Variants in ADAM8 observed in about 807,000 individuals in gnomAD.
ADAM8 encodes ADAM metallopeptidase domain 8.
Under a neutral mutation model 102.4 loss-of-function variants are expected in ADAM8, and 104 were observed. That is an observed-to-expected ratio of 1.02 (90% CI 0.87 to 1.20). The LOEUF is 1.20. ADAM8 is among the 50% of genes most tolerant of loss of function. The pLI is 0.00. For missense variants in ADAM8, 1,132 were observed against 1,159.0 expected (o/e 0.98, Z 0.34); for synonymous variants, 517 against 485.2 (o/e 1.07, Z -0.86).
At chr10:133,270,115 T>A in intron 16 of ADAM8, 141 bp from the exon 17 acceptor site, 1 of 1,166,176 alleles carries the variant, frequency 8.6e-7, no homozygotes, top group Non-Finnish European at 1.2e-6. Context: ...GCCGGCTGCC[T>A]ACCCCCAAAG....
In ADAM8 at chr10:133,262,808, C is replaced by A; in HGVS notation, c.*348G>T. ...GGCTCAGCAGGCCCCAGAGCAGGGGCAGGTGTGGCTGGGAGGGGCTGTATA... is the reference window on the plus strand; with the variant it reads ...GGCTCAGCAGGCCCCAGAGCAGGGGAAGGTGTGGCTGGGAGGGGCTGTATA... On this transcript the variant is annotated 3_prime_UTR_variant, in exon 23 of 23. Transcript: ENST00000445355. 1 of 286,212 alleles carries A rather than the reference C, an allele frequency of 3.5e-6. No individual in the cohort carries two copies. The highest frequency in any genetic ancestry group is 6.7e-6 in the Non-Finnish European group (1 of 148,690). 17.7% of individuals were successfully genotyped at this position (286,212 alleles called of 1,614,324 possible).
intron 10 of ADAM8, 60 bp downstream of exon 10, chr10:133,272,133 G>A (rs756413833): frequency 1.0e-5 from 16 of 1,524,122 alleles, no homozygotes; most frequent in Middle Eastern, 1.7e-4. Flanking sequence ...GGACCGAGGC[G>A]TCCCCTCCCC....
rs1237240226 is a variant in ADAM8 at position 133,272,193 on chromosome 10, C to T, written c.957G>A (p.Gln319=). The T allele has an allele frequency of 6.5e-7, 1 of 1,550,042 alleles. No individual in the cohort carries two copies. The highest frequency in any genetic ancestry group is 8.7e-7 in the Non-Finnish European group (1 of 1,146,818). Residue 319 remains glutamine, a splice_region_variant and synonymous_variant, in exon 10 of 23, where the codon CAG becomes CAA. Coordinates refer to ENST00000445355, the MANE Select transcript of ADAM8 (RefSeq NM_001109.5). ...CAAACCCGGGCAGGAGCCCCCTCAC[C>T]TGGTTCACAGCCCCTGAGCTGTGGG... ...MCSHSSGAVN[Q]DHSKNPVGVA...
rs1196485181 is a variant in ADAM8, at chr10:133,262,982, G to A, written c.*174C>T. On this transcript the variant is annotated 3_prime_UTR_variant, in exon 23 of 23. Coordinates refer to ENST00000445355, the MANE Select transcript of ADAM8 (RefSeq NM_001109.5). ...AAGGCGGGGAGAAGGAATTGGCTGA[G>A]GGCGTGGACAGCAGGAGCCTCTCAG... The A allele has an allele frequency of 3.8e-6, 3 of 788,408 alleles. No homozygotes were observed. The highest frequency in any genetic ancestry group is 1.6e-5 in the South Asian group (1 of 63,416). The allele number at this position is 788,408 out of a possible 1,614,324, so 48.8% of individuals were successfully genotyped here. A position where few individuals can be genotyped will look rare whatever the true frequency, so the allele number is the denominator to read the frequency against.
In ADAM8 at chr10:133,276,755, T is replaced by C; in HGVS notation, c.46+17A>G. 1 of 1,533,344 alleles carries C rather than the reference T, an allele frequency of 6.5e-7. No individual in the cohort carries two copies. 95.0% of individuals were successfully genotyped at this position (1,533,344 alleles called of 1,614,324 possible). A position where few individuals can be genotyped will look rare whatever the true frequency, so the allele number is the denominator to read the frequency against. On this transcript the variant is annotated intron_variant, in intron 1 of 22. Coordinates refer to ENST00000445355, the MANE Select transcript of ADAM8 (RefSeq NM_001109.5). ...TGCCCCGCGCTGCGCCCGGGACGGT[T>C]CCCTGGAACCACTCACCAGGCAGCA...
intron 12 of ADAM8, 86 bp downstream of exon 12, chr10:133,271,442 T>C: frequency 2.0e-6 from 3 of 1,479,940 alleles, no homozygotes; most frequent in South Asian, 1.3e-5. Flanking sequence ...GTTCCACGTG[T>C]GGATGTGCAG....
Position 133,273,795 on chromosome 10 carries a change from G to A in ADAM8, c.350C>T (p.Ser117Leu). The change falls in exon 5 of 23, where the codon TCA becomes TTA. Residue 117 changes from serine (S) to leucine (L), a missense_variant. Physicochemically the swap from Ser to Leu is moderately radical, Grantham distance 145. Coordinates refer to ENST00000445355, the MANE Select transcript of ADAM8 (RefSeq NM_001109.5). Reference protein sequence around the residue: ...YQGHVEGYPDSAASLSTCAGL... With the variant: ...YQGHVEGYPDLAASLSTCAGL... The stretch of plus-strand genomic sequence containing the variant: ...GGCACAGGTGCTGAGGCTGGCGGCT[G>A]AGTCCGGGTACCCCTCTACGTGGCC... 2.6e-6 allele frequency: 4 copies of A among 1,549,080 alleles called. No individual in the cohort carries two copies. In the South Asian group the frequency reaches 4.8e-5, roughly 18 times the overall value.
At chr10:133,276,489 T>C (rs1011750504) in intron 1 of ADAM8, among the ~76,000 whole-genome samples, 3 of 152,160 alleles carry the variant, frequency 2.0e-5, no homozygotes, top group African/African-American at 4.8e-5. Context: ...AGGTGAAGCG[T>C]CCTGCTTGGC....
chr10:133,269,285 G>A (rs1846437211), intron 18 of ADAM8, 160 bp downstream of exon 18: 1 of 841,406 alleles, frequency 1.2e-6, no homozygotes. Flanking sequence ...TCAGCCTGGG[G>A]ACAGACAGGC....
intron 18 of ADAM8, chr10:133,269,122 T>C: frequency 1.0e-6 from 1 of 985,376 alleles, no homozygotes; most frequent in East Asian, 1.1e-4. Context: ...ACATGCTCAG[T>C]GGCCGCCGGG....
Position 133,270,719 on chromosome 10 carries a change from G to A in ADAM8, c.1634+17C>T. Reference sequence around the variant, plus strand: ...GGGAACAGCACATGTCCTGGGCCCAGGGCGGTCTCAGCTCACCTGTACCGG... The same window carrying A: ...GGGAACAGCACATGTCCTGGGCCCAAGGCGGTCTCAGCTCACCTGTACCGG... On this transcript the variant is annotated intron_variant, in intron 15 of 22. Transcript: ENST00000445355. 1 of 1,489,464 alleles carries A rather than the reference G, an allele frequency of 6.7e-7. No individual in the cohort carries two copies. Among genetic ancestry groups the A allele is most frequent in the East Asian group, 2.5e-5 (1 of 39,736 alleles). 92.3% of individuals were successfully genotyped at this position (1,489,464 alleles called of 1,614,324 possible). A position where few individuals can be genotyped will look rare whatever the true frequency, so the allele number is the denominator to read the frequency against.
intron 17 of ADAM8, 37 bp from the exon 18 acceptor site, chr10:133,269,566 TG>T: frequency 6.4e-7 from 1 of 1,553,414 alleles, no homozygotes. Context: ...AACCCTGTTG[TG>T]GACCCCAAGG....
Position 133,274,206 on chromosome 10 carries a change from G to A in ADAM8, c.180C>T (p.Val60=), listed in dbSNP as rs750892002. ...TGAAGTTGTGCCCTGTGGCCCCAAG[G>A]ACGTAGCTCACCCTCTCTGGGTGCA... The part of the protein sequence containing the change: ...LGLHPERVSY[V]LGATGHNFTL... The change falls in exon 3 of 23, where the codon GTC becomes GTT. Residue 60 remains valine, a synonymous_variant. Transcript: ENST00000445355. 6.9e-6 allele frequency: 11 copies of A among 1,584,378 alleles called. No homozygotes were observed. The highest frequency in any genetic ancestry group is 9.4e-6 in the Non-Finnish European group (11 of 1,164,898).
At position 133,268,861 on chromosome 10, in the gene ADAM8, C is replaced by T. The variant is rs373440080; in HGVS notation, c.1950G>A (p.Ala650=). ...CCACGAAGACGGGGAGGCTCCCGGA[C>T]GCTGTGGGACACACGGCCCCACATC... is the stretch of plus-strand genomic sequence containing the variant. ...CAKLLTEVHA[A]SGSLPVFVVV... is the part of the protein sequence containing the mutation. Residue 650 remains alanine (A), a splice_region_variant and synonymous_variant, in exon 19 of 23, where the codon GCG becomes GCA. Transcript: ENST00000445355. 45 of 1,605,190 alleles carry T rather than the reference C, an allele frequency of 2.8e-5. No homozygotes were observed. The African/African-American group carries it at 3.5e-4, about 12-fold the overall frequency.
chr10:133,267,995 G>T lies in ADAM8; in HGVS notation c.2187C>A (p.Thr729=), dbSNP rs771303651. The part of the protein sequence containing the change: ...PSRGPQELVP[T]THPGQPARHP... Reference sequence around the variant, plus strand: ...GTCGGGCGGGCTGGCCCGGGTGGGTGGTGGGGACCAGCTCTTGGGGGCCCC... The same window carrying T: ...GTCGGGCGGGCTGGCCCGGGTGGGTTGTGGGGACCAGCTCTTGGGGGCCCC... Residue 729 remains threonine, a synonymous_variant, in exon 20 of 23, where the codon ACC becomes ACA. Transcript: ENST00000445355. 6 of 1,260,666 alleles carry T rather than the reference G, an allele frequency of 4.8e-6. No individual in the cohort carries two copies. The highest frequency in any genetic ancestry group is 6.0e-6 in the Non-Finnish European group (6 of 996,174). The allele number at this position is 1,260,666 out of a possible 1,614,324, so 78.1% of individuals were successfully genotyped here. A position where few individuals can be genotyped will look rare whatever the true frequency, so the allele number is the denominator to read the frequency against.
rs548607450 is a variant in ADAM8 at position 133,268,271 on chromosome 10, G to A, written c.2064-153C>T. ...GACAGACAGGCCCAGGAGGTGGGGC[G>A]GACCCTGAAGAGGCAGGGACACCCC... On this transcript the variant is annotated intron_variant, in intron 19 of 22. Transcript: ENST00000445355. 3.3e-5 allele frequency among the ~76,000 whole-genome samples: 5 copies of A among 152,356 alleles called. No individual in the cohort carries two copies. In the East Asian group the frequency reaches 7.7e-4, roughly 24 times the overall value.
chr10:133,272,951 A>T lies in ADAM8; in HGVS notation c.636+6T>A. On this transcript the variant is annotated splice_donor_region_variant and intron_variant, in intron 7 of 22. Transcript: ENST00000445355. ...TGCTCTCCCACCTTCCCTGCCCCCA[A>T]CACACCTCTGCATTGTCCACGACCA... 1 of 1,612,624 alleles carries T rather than the reference A, an allele frequency of 6.2e-7. No homozygotes were observed. Among genetic ancestry groups the T allele is most frequent in the Non-Finnish European group, 8.5e-7 (1 of 1,179,810 alleles).
Position 133,267,405 on chromosome 10 carries a change from CAG to C in ADAM8, c.2264_2265del (p.Thr755SerfsTer44). On this transcript the variant is annotated frameshift_variant, in exon 21 of 23. Coordinates refer to ENST00000445355, the MANE Select transcript of ADAM8 (RefSeq NM_001109.5). LOFTEE classifies it high-confidence loss of function. ...GGAACTGGGAAGGGTGGGCTGGACA[CAG>C]TGACCGGAGGCTGGAGGAGACAGGG... is the stretch of plus-strand genomic sequence containing the variant. ...LKRPPPAPPV[T>X]VSSPPFPVPV... 7 of 1,609,756 alleles carry C rather than the reference CAG, an allele frequency of 4.3e-6. No homozygotes were observed. Among genetic ancestry groups the C allele is most frequent in the Non-Finnish European group, 5.9e-6 (7 of 1,178,966 alleles).
chr10:133,275,612 AT>A, intron 1 of ADAM8, 25 bp from the exon 2 acceptor site: 2 of 1,339,974 alleles, frequency 1.5e-6, no homozygotes. Flanking sequence ...GTCAGCAGGC[AT>A]GAGGGGCCGG....
Sources: gnomAD v4.1 joint callset for allele counts (sites outside exome capture counted in the v4.1 genomes callset) on GRCh38, gnomAD v4.1.1 for gene constraint, MANE v1.5 for transcripts, NCBI Gene and HGNC (gene_info 2026-07-23, HGNC 2026-07-21) for gene names.